The following GRK3 variants were observed in gnomAD, a reference collection of about 807,000 sequenced individuals.
The protein encoded by GRK3 is G protein-coupled receptor kinase 3, also known as adrenergic, beta, receptor kinase 2.
GRK3 carries 54 observed loss-of-function variants against 95.7 expected under a neutral mutation model. The ratio of observed to expected loss-of-function variants is 0.56; its 90% confidence interval spans 0.45 to 0.71. The LOEUF (loss-of-function observed/expected upper bound fraction) is 0.71. GRK3 is among the 30% of genes least tolerant of loss of function. The probability of loss-of-function intolerance (pLI) is 0.00; values close to 1 mark genes in which losing one functional copy is unlikely to be tolerated. For missense variants in GRK3, 649 were observed against 851.2 expected (o/e 0.76, Z 2.96); for synonymous variants, 281 against 290.8 (o/e 0.97, Z 0.34).
At chr22:25,596,222 C>T (rs932324777) in intron 1 of GRK3, among the ~76,000 whole-genome samples, 9 of 152,034 alleles carry the variant, frequency 5.9e-5, no homozygotes, top group African/African-American at 1.9e-4. Flanking sequence ...AAATGAGAGT[C>T]GTGGGTAGGT....
intron 2 of GRK3, among the ~76,000 whole-genome samples, chr22:25,629,011 AAG>A (rs1279353431): frequency 2.0e-5 from 3 of 152,182 alleles, no homozygotes; most frequent in Non-Finnish European, 2.9e-5. Flanking sequence ...AAGGGCAGGA[AAG>A]AGGGGAAAAC....
At chr22:25,610,269 C>G (rs545183675) in intron 2 of GRK3, among the ~76,000 whole-genome samples, 10 of 152,238 alleles carry the variant, frequency 6.6e-5, no homozygotes, top group African/African-American at 2.2e-4. Context: ...TTGAGACCAG[C>G]CTGGGCAACA....
intron 12 of GRK3, among the ~76,000 whole-genome samples, chr22:25,691,422 G>A (rs1235640637): frequency 6.6e-6 from 1 of 152,184 alleles, no homozygotes; most frequent in African/African-American, 2.4e-5. Flanking sequence ...ATGAAGGACT[G>A]CATTAAATCA....
intron 1 of GRK3, among the ~76,000 whole-genome samples, chr22:25,600,614 G>T (rs895117930): frequency 2.6e-5 from 4 of 152,164 alleles, no homozygotes; most frequent in African/African-American, 7.2e-5. Context: ...ATCTAGAGAT[G>T]ATTTAAACTA....
At chr22:25,665,381 T>TCATA (rs2084935028) in intron 5 of GRK3, among the ~76,000 whole-genome samples, 1 of 152,202 alleles carries the variant, frequency 6.6e-6, no homozygotes, top group African/African-American at 2.4e-5. Context: ...AAACCATACC[T>TCATA]CATAATACAT....
intron 18 of GRK3, among the ~76,000 whole-genome samples, chr22:25,716,692 C>A (rs923617497): frequency 2.0e-5 from 3 of 151,986 alleles, no homozygotes; most frequent in East Asian, 3.9e-4. Flanking sequence ...CAACCATGAT[C>A]AAAAATATCT....
At chr22:25,697,226 C>T (rs76734679) in intron 13 of GRK3, among the ~76,000 whole-genome samples, 1,703 of 152,276 alleles carry the variant, frequency 0.011, 31 homozygotes, top group African/African-American at 0.039. Context: ...AATGGCCATG[C>T]ATATAGGCTG....
At chr22:25,705,476 G>A (rs537931626) in intron 15 of GRK3, among the ~76,000 whole-genome samples, 2 of 152,186 alleles carry the variant, frequency 1.3e-5, no homozygotes, top group South Asian at 4.2e-4. Flanking sequence ...TTGCATATAG[G>A]TTAATTTCAA....
intron 2 of GRK3, among the ~76,000 whole-genome samples, chr22:25,635,801 C>T (rs997790291): frequency 2.0e-5 from 3 of 152,198 alleles, no homozygotes; most frequent in African/African-American, 7.2e-5. Flanking sequence ...TACTTTTGCA[C>T]TACGTAAATA....
intron 10 of GRK3, among the ~76,000 whole-genome samples, chr22:25,686,651 C>G (rs552013336): frequency 1.9e-4 from 29 of 152,236 alleles, no homozygotes; most frequent in Middle Eastern, 3.4e-3. Flanking sequence ...CATTCTCTGT[C>G]TGTGTAATTT....
At chr22:25,590,937 A>T (rs1443837785) in intron 1 of GRK3, among the ~76,000 whole-genome samples, 1 of 152,230 alleles carries the variant, frequency 6.6e-6, no homozygotes, top group African/African-American at 2.4e-5. Context: ...AAATTCAGAT[A>T]ATGAACGTCT....
chr22:25,717,902 T>C (rs1423509584), intron 18 of GRK3, among the ~76,000 whole-genome samples: 1 of 152,210 alleles, frequency 6.6e-6, no homozygotes, highest in East Asian at 1.9e-4. Flanking sequence ...TGGGGATAGC[T>C]TGACTTTAAA....
At chr22:25,719,348 C>T (rs969877174) in intron 19 of GRK3, among the ~76,000 whole-genome samples, 14 of 152,156 alleles carry the variant, frequency 9.2e-5, no homozygotes, top group African/African-American at 3.4e-4. Flanking sequence ...CCAGGTCATC[C>T]TGTGCCCTCA....
At chr22:25,673,614 T>C (rs1450951590) in intron 7 of GRK3, among the ~76,000 whole-genome samples, 1 of 151,932 alleles carries the variant, frequency 6.6e-6, no homozygotes, top group Non-Finnish European at 1.5e-5. Flanking sequence ...CAAACGCAGG[T>C]TTCTATAGGA....
chr22:25,696,488 C>CAA (rs1212009872), intron 13 of GRK3, among the ~76,000 whole-genome samples: 2 of 152,142 alleles, frequency 1.3e-5, no homozygotes, highest in African/African-American at 4.8e-5. Context: ...AATTCTAAGA[C>CAA]TTTTAGCCAA....
At chr22:25,669,096 G>A (rs909854714) in intron 6 of GRK3, among the ~76,000 whole-genome samples, 2 of 152,138 alleles carry the variant, frequency 1.3e-5, no homozygotes, top group African/African-American at 4.8e-5. Context: ...AAGAATTCAT[G>A]TCAGGTGATA....
At chr22:25,569,431 G>A (rs1931605615) in intron 1 of GRK3, among the ~76,000 whole-genome samples, 1 of 152,220 alleles carries the variant, frequency 6.6e-6, no homozygotes, top group Non-Finnish European at 1.5e-5. Flanking sequence ...CCAAAGCTGA[G>A]CATCATGAAA....
rs1338601613 is a variant in GRK3 at position 25,725,762 on chromosome 22, G to C, written c.*3312G>C. On this transcript the variant is annotated 3_prime_UTR_variant, in exon 21 of 21. Transcript: ENST00000324198. ...GAGATTGAGACCATCCTGGTTAGCA[G>C]AGTGAAACCCCGTCTCTACTAAAAA... The C allele has an allele frequency of 1.0e-5, 4 of 395,582 alleles. No homozygotes were observed. The highest frequency in any genetic ancestry group is 1.3e-5 in the Non-Finnish European group (3 of 224,710). The allele number at this position is 395,582 out of a possible 1,614,324, so 24.5% of individuals were successfully genotyped here. A position where few individuals can be genotyped will look rare whatever the true frequency, so the allele number is the denominator to read the frequency against.
At chr22:25,674,320 T>C in intron 7 of GRK3, 117 bp from the exon 8 acceptor site, 1 of 781,330 alleles carries the variant, frequency 1.3e-6, no homozygotes, top group Non-Finnish European at 2.1e-6. Flanking sequence ...ATGAAAAGGG[T>C]AGATCCCTAA....
Sources: gnomAD v4.1 joint callset for allele counts (sites outside exome capture counted in the v4.1 genomes callset) on GRCh38, gnomAD v4.1.1 for gene constraint, MANE v1.5 for transcripts, NCBI Gene and HGNC (gene_info 2026-07-23, HGNC 2026-07-21) for gene names.